NBAS: variants seen among roughly 807,000 people sequenced by gnomAD.
The protein encoded by NBAS is NAG/BC035112 fusion.
NBAS carries 219 observed loss-of-function variants against 302.5 expected under a neutral mutation model. The observed-to-expected ratio is 0.72, with a 90% CI of 0.65 to 0.81. The LOEUF (loss-of-function observed/expected upper bound fraction) is 0.81, where lower values mean the gene tolerates loss of function less well. Ranked by LOEUF, NBAS falls within the 30% of genes least tolerant of loss-of-function variation. NBAS has a pLI of 0.00. For synonymous variants in NBAS, 1,118 were observed against 1,021.6 expected, an observed-to-expected ratio of 1.09 and a Z score of -1.80; for missense variants, 2,932 against 2,841.6, an observed-to-expected ratio of 1.03 and a Z score of -0.72.
the NBAS span, among the ~76,000 whole-genome samples, chr2:14,811,896 G>A: frequency 6.6e-6 from 1 of 152,180 alleles, no homozygotes; most frequent in Non-Finnish European, 1.5e-5. Context: ...CAATCTATGA[G>A]GCTTTGGTGA....
chr2:15,067,863 A>G, the NBAS span, among the ~76,000 whole-genome samples: 1 of 152,224 alleles, frequency 6.6e-6, no homozygotes, highest in Non-Finnish European at 1.5e-5. Context: ...TGTAAGTAAA[A>G]GTAAAATGAA....
the NBAS span, among the ~76,000 whole-genome samples, chr2:14,980,455 C>G: frequency 1.3e-5 from 2 of 152,168 alleles, no homozygotes; most frequent in African/African-American, 2.4e-5. Context: ...GCCTGACAGA[C>G]AAGCAAGGGG....
At chr2:14,893,046 T>G in the NBAS span, among the ~76,000 whole-genome samples, 1 of 152,188 alleles carries the variant, frequency 6.6e-6, no homozygotes, top group African/African-American at 2.4e-5. Flanking sequence ...CTTCATAATG[T>G]TTTTAAATAT....
intron 47 of NBAS, among the ~76,000 whole-genome samples, 199 bp downstream of exon 47, chr2:15,232,223 T>C (rs1667409694): frequency 6.6e-6 from 1 of 152,022 alleles, no homozygotes; most frequent in Admixed American, 6.5e-5. Context: ...AAAACAATGC[T>C]CTCCATGGCA....
At chr2:15,007,363 G>C in the NBAS span, among the ~76,000 whole-genome samples, 1 of 152,080 alleles carries the variant, frequency 6.6e-6, no homozygotes, top group Non-Finnish European at 1.5e-5. Flanking sequence ...CAATGTTTTT[G>C]ATTTTCCCTC....
the NBAS span, among the ~76,000 whole-genome samples, chr2:14,945,679 A>G: frequency 2.6e-5 from 4 of 152,204 alleles, no homozygotes; most frequent in Non-Finnish European, 5.9e-5. Context: ...TACAGAATGG[A>G]TCAAGCAAAA....
At chr2:15,032,225 T>G in the NBAS span, among the ~76,000 whole-genome samples, 1 of 152,286 alleles carries the variant, frequency 6.6e-6, no homozygotes. Context: ...TGCCTACAAA[T>G]GTGTAAGTGG....
At chr2:15,305,023 T>TTAAATTAAATTAAATTA (rs1670965530) in intron 40 of NBAS, among the ~76,000 whole-genome samples, 1 of 152,182 alleles carries the variant, frequency 6.6e-6, no homozygotes, top group Admixed American at 6.5e-5. Context: ...GGGTTAGTGC[T>TTAAATTAAATTAAATTA]AGAACAAATT....
the NBAS span, among the ~76,000 whole-genome samples, chr2:15,070,705 C>G: frequency 1.3e-5 from 2 of 152,164 alleles, no homozygotes; most frequent in African/African-American, 4.8e-5. Context: ...AGGGTGTGCA[C>G]TTGTCCTCAG....
intron 47 of NBAS, among the ~76,000 whole-genome samples, chr2:15,230,220 C>T (rs1239016562): frequency 6.6e-6 from 1 of 152,042 alleles, no homozygotes; most frequent in African/African-American, 2.4e-5. Flanking sequence ...ACTGCAAAGA[C>T]CCTCCTTAGA....
the NBAS span, among the ~76,000 whole-genome samples, chr2:14,816,776 G>A: frequency 2.6e-5 from 4 of 152,124 alleles, no homozygotes; most frequent in African/African-American, 9.7e-5. Context: ...TCTTTGGGAG[G>A]AAAGATCATG....
At chr2:15,221,107 G>T (rs1386203067) in intron 47 of NBAS, among the ~76,000 whole-genome samples, 4 of 152,102 alleles carry the variant, frequency 2.6e-5, no homozygotes, top group African/African-American at 7.2e-5. Flanking sequence ...AACAATTAGG[G>T]TGTAAAAATA....
rs58054588 is a variant in NBAS at position 15,543,873 on chromosome 2, A to G, written c.380-4517T>C. On this transcript the variant is annotated intron_variant, in intron 6 of 51. Transcript: ENST00000281513. The stretch of plus-strand genomic sequence containing the variant: ...TATTGTCTGCCTTATTTGTTAATCT[A>G]TAAATTCCAAAATGTCAGGAGCTGT... 9.6e-3 allele frequency among the ~76,000 whole-genome samples: 1,456 copies of G among 152,328 alleles called. 31 individuals carry two copies. The highest frequency in any genetic ancestry group is 0.033 in the African/African-American group (1,386 of 41,556).
At chr2:15,378,853 G>A (rs556827214) in intron 30 of NBAS, among the ~76,000 whole-genome samples, 1 of 152,248 alleles carries the variant, frequency 6.6e-6, no homozygotes, top group Non-Finnish European at 1.5e-5. Context: ...GTTGAACAAG[G>A]AAGATAATCT....
chr2:15,285,154 A>C (rs1669982091), intron 42 of NBAS, among the ~76,000 whole-genome samples: 1 of 152,244 alleles, frequency 6.6e-6, no homozygotes, highest in Non-Finnish European at 1.5e-5. Flanking sequence ...TCCATGCAAT[A>C]TTTATCACAG....
chr2:15,457,401 G>A (rs1308624882), intron 21 of NBAS, among the ~76,000 whole-genome samples: 1 of 152,214 alleles, frequency 6.6e-6, no homozygotes, highest in African/African-American at 2.4e-5. Flanking sequence ...CACATGGAAA[G>A]TTAACGGCCA....
At chr2:14,814,786 G>T in the NBAS span, among the ~76,000 whole-genome samples, 1 of 152,116 alleles carries the variant, frequency 6.6e-6, no homozygotes, top group Non-Finnish European at 1.5e-5. Flanking sequence ...TTTCAGAGGA[G>T]CCAGGGGAAT....
intron 9 of NBAS, among the ~76,000 whole-genome samples, chr2:15,533,888 T>C (rs1663354512): frequency 6.6e-6 from 1 of 152,140 alleles, no homozygotes; most frequent in African/African-American, 2.4e-5. Context: ...ATCTCAAAAT[T>C]CAAAAACTCA....
chr2:15,078,239 G>A, the NBAS span, among the ~76,000 whole-genome samples: 12 of 152,318 alleles, frequency 7.9e-5, no homozygotes, highest in African/African-American at 2.9e-4. Flanking sequence ...AAGCAAGGAA[G>A]TAACAAGGTC....
Sources: gnomAD v4.1 joint callset for allele counts (sites outside exome capture counted in the v4.1 genomes callset) on GRCh38, gnomAD v4.1.1 for gene constraint, MANE v1.5 for transcripts, NCBI Gene and HGNC (gene_info 2026-07-23, HGNC 2026-07-21) for gene names.